The following WWOX variants were observed in gnomAD, a reference collection of about 807,000 sequenced individuals.
The protein encoded by WWOX is WW domain containing oxidoreductase, also known as WW domain-containing oxidoreductase.
A neutral mutation model predicts 46.2 loss-of-function variants in WWOX; 69 were observed. The observed-to-expected ratio is 1.49, with a 90% CI of 1.23 to 1.82. The LOEUF is 1.82. WWOX is among the 40% of genes most tolerant of loss of function. WWOX has a pLI of 0.00. For synonymous variants in WWOX, 359 were observed against 202.6 expected (o/e 1.77, Z -6.56); for missense variants, 919 against 542.6 (o/e 1.69, Z -6.89).
At chr16:78,224,555 C>G (rs1239086547) in intron 5 of WWOX, among the ~76,000 whole-genome samples, 1 of 152,110 alleles carries the variant, frequency 6.6e-6, no homozygotes, top group Non-Finnish European at 1.5e-5. Flanking sequence ...TCATGATTTA[C>G]TTAACCAATC....
At chr16:78,823,691 C>T (rs906088853) in intron 8 of WWOX, among the ~76,000 whole-genome samples, 1 of 151,988 alleles carries the variant, frequency 6.6e-6, no homozygotes, top group African/African-American at 2.4e-5. Context: ...ATTTAAGGCC[C>T]GCCGAGCCTG....
intron 8 of WWOX, among the ~76,000 whole-genome samples, chr16:78,961,353 A>G (rs981840123): frequency 6.6e-6 from 1 of 152,238 alleles, no homozygotes; most frequent in Non-Finnish European, 1.5e-5. Context: ...GGTGTAAGGA[A>G]ACTTGGTCTT....
At chr16:78,287,043 A>T (rs949930419) in intron 5 of WWOX, among the ~76,000 whole-genome samples, 1 of 152,168 alleles carries the variant, frequency 6.6e-6, no homozygotes, top group African/African-American at 2.4e-5. Context: ...AATACCTGGG[A>T]GGGAATTAGC....
At chr16:78,929,933 G>C (rs947213373) in intron 8 of WWOX, among the ~76,000 whole-genome samples, 23 of 152,120 alleles carry the variant, frequency 1.5e-4, no homozygotes, top group African/African-American at 5.6e-4. Context: ...CGGTAGTTCA[G>C]GATAAAAATT....
At chr16:78,122,508 T>G (rs1014930627) in intron 4 of WWOX, among the ~76,000 whole-genome samples, 2 of 152,202 alleles carry the variant, frequency 1.3e-5, no homozygotes, top group Non-Finnish European at 2.9e-5. Context: ...TTGGAAATTG[T>G]TTTACTTAAA....
In WWOX at chr16:78,643,610, A is replaced by T. The variant is rs542541566; in HGVS notation, c.1056+210858A>T. Among the ~76,000 whole-genome samples the T allele has an allele frequency of 1.8e-4, 27 of 152,260 alleles. 1 individual carries two copies. The South Asian group carries it at 5.6e-3, about 32-fold the overall frequency. On this transcript the variant is annotated intron_variant, in intron 8 of 8. Coordinates refer to ENST00000566780, the MANE Select transcript of WWOX (RefSeq NM_016373.4). ...GGGAGGTTAATCAGCCACGCGCTGA[A>T]TCTGCTTATAAGGCTGTTTCATGTA...
In WWOX at chr16:78,337,978, C is replaced by A. The variant is rs924904416; in HGVS notation, c.517-48882C>A. ...TAAGAGACCTCACAAGATGCTTTAT[C>A]AGGTCACTTGGCAACCAAGCTGATG... On this transcript the variant is annotated intron_variant, in intron 5 of 8. Coordinates refer to ENST00000566780, the MANE Select transcript of WWOX (RefSeq NM_016373.4). Among the ~76,000 whole-genome samples the A allele has an allele frequency of 1.7e-5, 2 of 119,926 alleles. 1 individual carries two copies. The highest frequency in any genetic ancestry group is 5.7e-5 in the African/African-American group (2 of 35,350). 78.7% of individuals were successfully genotyped at this position (119,926 alleles called of 152,430 possible). A position where few individuals can be genotyped will look rare whatever the true frequency, so the allele number is the denominator to read the frequency against.
At chr16:79,066,897 G>A (rs77682042) in intron 8 of WWOX, among the ~76,000 whole-genome samples, 2,047 of 152,286 alleles carry the variant, frequency 0.013, 39 homozygotes, top group African/African-American at 0.047. Flanking sequence ...CAGCTGAAAA[G>A]GTAGCTACCA....
intron 5 of WWOX, among the ~76,000 whole-genome samples, chr16:78,322,384 T>TATG (rs1469376469): frequency 6.6e-6 from 1 of 152,228 alleles, no homozygotes; most frequent in East Asian, 1.9e-4. Context: ...GGAAATAGTA[T>TATG]ATGATAATAA....
rs72804995 is a variant in WWOX at position 78,176,077 on chromosome 16, C to T, written c.516+11788C>T. 7.8e-3 allele frequency among the ~76,000 whole-genome samples: 1,183 copies of T among 152,254 alleles called. 28 individuals carry two copies. Among genetic ancestry groups the T allele is most frequent in the East Asian group, 0.012 (64 of 5,178 alleles). ...TGCTGCCCATCCCATTTCTGCACAC[C>T]TCTTAATTAGTAAGTTCTCCCTCAT... On this transcript the variant is annotated intron_variant, in intron 5 of 8. Transcript: ENST00000566780.
chr16:78,674,947 A>G (rs759899827), intron 8 of WWOX, among the ~76,000 whole-genome samples: 1 of 151,874 alleles, frequency 6.6e-6, no homozygotes, highest in Non-Finnish European at 1.5e-5. Context: ...CAAGTTGTCT[A>G]CCCTTATTAT....
At chr16:78,464,087 C>G (rs1007298534) in intron 8 of WWOX, among the ~76,000 whole-genome samples, 5 of 152,138 alleles carry the variant, frequency 3.3e-5, no homozygotes, top group Non-Finnish European at 7.3e-5. Context: ...GACAACCGGT[C>G]AGGACCTGGG....
At chr16:78,680,583 G>C (rs944763977) in intron 8 of WWOX, among the ~76,000 whole-genome samples, 1 of 152,162 alleles carries the variant, frequency 6.6e-6, no homozygotes, top group African/African-American at 2.4e-5. Context: ...CTTGAAGGTA[G>C]CCAGTGGACA....
At chr16:78,295,489 A>G (rs1597452575) in intron 5 of WWOX, among the ~76,000 whole-genome samples, 1 of 152,300 alleles carries the variant, frequency 6.6e-6, no homozygotes, top group South Asian at 2.1e-4. Context: ...AGGTGGGTGG[A>G]TCACCTGAAG....
chr16:78,479,706 A>C lies in WWOX; in HGVS notation c.1056+46954A>C, dbSNP rs982414787. 2.6e-5 allele frequency among the ~76,000 whole-genome samples: 4 copies of C among 152,196 alleles called. No individual in the cohort carries two copies. In the South Asian group the frequency reaches 8.3e-4, roughly 32 times the overall value. The stretch of plus-strand genomic sequence containing the variant: ...GGACAGCCCTCTACAAATTGGGAAC[A>C]AGGGCCAGGACACGAAATATAGTGA... On this transcript the variant is annotated intron_variant, in intron 8 of 8. Coordinates refer to ENST00000566780, the MANE Select transcript of WWOX (RefSeq NM_016373.4).
At chr16:78,204,410 C>A (rs533662264) in intron 5 of WWOX, among the ~76,000 whole-genome samples, 1 of 152,218 alleles carries the variant, frequency 6.6e-6, no homozygotes, top group East Asian at 1.9e-4. Context: ...GTGTTACAAG[C>A]AATCCAGTCA....
In WWOX at chr16:78,301,564, A is replaced by G. The variant is rs73574544; in HGVS notation, c.517-85296A>G. Among the ~76,000 whole-genome samples the G allele has an allele frequency of 4.5e-3, 688 of 152,278 alleles. 4 individuals are homozygous for G. The highest frequency in any genetic ancestry group is 0.016 in the African/African-American group (661 of 41,562). Reference sequence around the variant, plus strand: ...GAGAAGAGGGAGGAAAAATCTGTTAATTAGAATTGTGGGCGTGCACTCTGT... The same window carrying G: ...GAGAAGAGGGAGGAAAAATCTGTTAGTTAGAATTGTGGGCGTGCACTCTGT... On this transcript the variant is annotated intron_variant, in intron 5 of 8. Coordinates refer to ENST00000566780, the MANE Select transcript of WWOX (RefSeq NM_016373.4).
At chr16:78,608,773 C>G (rs1044873089) in intron 8 of WWOX, among the ~76,000 whole-genome samples, 1 of 152,146 alleles carries the variant, frequency 6.6e-6, no homozygotes, top group South Asian at 2.1e-4. Context: ...GCCGGGGTCG[C>G]CTGCCCTCCA....
rs1250808768 is a variant in WWOX at position 78,548,176 on chromosome 16, A to ATTCAAC, written c.1056+115424_1056+115425insTTCAAC. On this transcript the variant is annotated intron_variant, in intron 8 of 8. Transcript: ENST00000566780. ...TCAAAAAAAAAAAAAAAAAAAAAAA[A>ATTCAAC]AATTACGAATTTTGCGAGGACGCAA... Among the ~76,000 whole-genome samples the ATTCAAC allele has an allele frequency of 7.4e-5, 7 of 94,526 alleles. 1 individual carries two copies. The highest frequency in any genetic ancestry group is 9.0e-5 in the African/African-American group (3 of 33,456). The allele number at this position is 94,526 out of a possible 152,430, so 62.0% of individuals were successfully genotyped here.
Sources: allele counts gnomAD v4.1 joint callset (sites outside exome capture counted in the v4.1 genomes callset), GRCh38; gene constraint gnomAD v4.1.1; transcripts MANE v1.5; gene names NCBI Gene and HGNC (gene_info 2026-07-23, HGNC 2026-07-21).